The following ATP2B4 variants were observed in gnomAD, a reference collection of about 807,000 sequenced individuals.
ATP2B4 encodes ATPase plasma membrane Ca2+ transporting 4.
ATP2B4 carries 39 observed loss-of-function variants against 110.3 expected under a neutral mutation model. The ratio of observed to expected loss-of-function variants is 0.35; its 90% CI spans 0.27 to 0.46. ATP2B4 has a LOEUF of 0.46. Among genes scored for constraint, ATP2B4 ranks in the 20% least tolerant of loss-of-function variants. ATP2B4 has a pLI of 1.00. For synonymous variants in ATP2B4, 538 were observed against 571.7 expected, an observed-to-expected ratio of 0.94 and a Z score of 0.84; for missense variants, 1,135 against 1,530.9, an observed-to-expected ratio of 0.74 and a Z score of 4.32.
intron 1 of ATP2B4, among the ~76,000 whole-genome samples, chr1:203,679,479 A>G (rs988359935): frequency 1.3e-5 from 2 of 152,010 alleles, no homozygotes; most frequent in African/African-American, 4.8e-5. Context: ...ATTCTTTTCC[A>G]CATGTGTTCT....
At chr1:203,722,767 A>T in intron 18 of ATP2B4, 78 bp downstream of exon 18, 2 of 1,364,112 alleles carry the variant, frequency 1.5e-6, no homozygotes, top group Non-Finnish European at 1.0e-6. Flanking sequence ...TTCCCTACAT[A>T]CCTAGGAAAA....
rs147713701 is a variant in ATP2B4 at position 203,709,417 on chromosome 1, C to T, written c.1674C>T (p.Pro558=). The change falls in exon 11 of 21, where the codon CCC becomes CCT. Residue 558 remains proline, a synonymous_variant. Coordinates refer to ENST00000357681, the MANE Select transcript of ATP2B4 (RefSeq NM_001684.5). ...ATCAGGCTGTGCGTAATGAAGTGCC[C>T]GAGGAGAAGCTCTACAAGGTGTACA... ...QDYQAVRNEV[P]EEKLYKVYTF... The T allele has an allele frequency of 9.4e-5, 151 of 1,614,160 alleles. 1 individual carries two copies. In the African/African-American group the frequency reaches 1.7e-3, roughly 19 times the overall value.
chr1:203,628,237 T>C (rs563588726), intron 1 of ATP2B4, among the ~76,000 whole-genome samples: 1 of 152,226 alleles, frequency 6.6e-6, no homozygotes, highest in South Asian at 2.1e-4. Flanking sequence ...CTTGGCTCGC[T>C]CTTGGTAGAG....
Position 203,742,906 on chromosome 1 carries a change from T to A in ATP2B4, c.*3052T>A, listed in dbSNP as rs181235103. ...TGCCTTCCCTCCCCTAGAAAGATTT[T>A]GTGCAATATATTAAATGGGGACAGA... On this transcript the variant is annotated 3_prime_UTR_variant, in exon 21 of 21. Transcript: ENST00000357681. The A allele has an allele frequency of 3.0e-3, 456 of 152,656 alleles. 2 individuals are homozygous for A. The highest frequency in any genetic ancestry group is 3.0e-3 in the Non-Finnish European group (205 of 68,038). The allele number at this position is 152,656 out of a possible 1,614,324, so 9.5% of individuals were successfully genotyped here.
At chr1:203,649,495 AG>A (rs1571679655) in intron 1 of ATP2B4, among the ~76,000 whole-genome samples, 2 of 152,306 alleles carry the variant, frequency 1.3e-5, no homozygotes, top group East Asian at 3.9e-4. Context: ...GCTTCACTTT[AG>A]GGTGGGCGTA....
In ATP2B4 at chr1:203,684,353, A is replaced by AT. The variant is rs56376451; in HGVS notation, c.193+974dup. On this transcript the variant is annotated intron_variant, in intron 2 of 20. Transcript: ENST00000357681. ...GGTGACATAATAACACCCCATCTCTATTTTTTTTTTTTTTTTTTTGGAGAC... is the reference window on the plus strand; with the variant it reads ...GGTGACATAATAACACCCCATCTCTATTTTTTTTTTTTTTTTTTTTGGAGAC... 2.9e-3 allele frequency among the ~76,000 whole-genome samples: 370 copies of AT among 125,428 alleles called. 4 individuals are homozygous for AT. Among genetic ancestry groups the AT allele is most frequent in the African/African-American group, 4.6e-3 (155 of 33,906 alleles). The allele number at this position is 125,428 out of a possible 152,430, so 82.3% of individuals were successfully genotyped here.
At position 203,686,676 on chromosome 1, in the gene ATP2B4, C is replaced by CTTTCTTTTTT. The variant is rs1571722115; in HGVS notation, c.193+3281_193+3282insCTTTTTTTTT. Among the ~76,000 whole-genome samples, 3 of 52,296 alleles carry CTTTCTTTTTT rather than the reference C, an allele frequency of 5.7e-5. No homozygotes were observed. In the East Asian group the frequency reaches 3.8e-3, roughly 66 times the overall value. The allele number at this position is 52,296 out of a possible 152,430, so 34.3% of individuals were successfully genotyped here. A position where few individuals can be genotyped will look rare whatever the true frequency, so the allele number is the denominator to read the frequency against. On this transcript the variant is annotated intron_variant, in intron 2 of 20. Transcript: ENST00000357681. ...AATATGTGTCCTGGTGTTTTTCTTT[C>CTTTCTTTTTT]TTTTCTTTCTTTTTTTTTTTTTTTT...
intron 1 of ATP2B4, among the ~76,000 whole-genome samples, chr1:203,680,052 C>G (rs1272042717): frequency 1.1e-5 from 1 of 89,056 alleles, no homozygotes; most frequent in Non-Finnish European, 2.4e-5. Context: ...CAGAGTGAGA[C>G]TCTTTCTCAA....
At chr1:203,702,013 G>A (rs369976577) in intron 6 of ATP2B4, 31 bp from the exon 7 acceptor site, 88 of 1,613,458 alleles carry the variant, frequency 5.5e-5, no homozygotes, top group South Asian at 5.5e-5. Flanking sequence ...TTTGGGTTTC[G>A]ACCCCACTTT....
intron 1 of ATP2B4, among the ~76,000 whole-genome samples, chr1:203,669,828 G>GCTCA (rs1664608295): frequency 6.6e-6 from 1 of 152,190 alleles, no homozygotes; most frequent in Non-Finnish European, 1.5e-5. Context: ...AATTGCACAG[G>GCTCA]TTAGGCCAGG....
chr1:203,684,592 A>AGGTGATCT, intron 2 of ATP2B4, among the ~76,000 whole-genome samples: 1 of 151,982 alleles, frequency 6.6e-6, no homozygotes, highest in Admixed American at 6.5e-5. Flanking sequence ...TCCTGACCTC[A>AGGTGATCT]GGTGATCTGC....
At chr1:203,645,885 G>A (rs1009120926) in intron 1 of ATP2B4, among the ~76,000 whole-genome samples, 1 of 151,968 alleles carries the variant, frequency 6.6e-6, no homozygotes, top group Admixed American at 6.6e-5. Context: ...CACCGTGCCC[G>A]GCCGTATATT....
rs144760902 is a variant in ATP2B4 at position 203,703,164 on chromosome 1, C to CGAGAGAGAGAGA, written c.938-465_938-454dup. 2.9e-3 allele frequency among the ~76,000 whole-genome samples: 419 copies of CGAGAGAGAGAGA among 145,238 alleles called. 1 individual carries two copies. The highest frequency in any genetic ancestry group is 9.7e-3 in the African/African-American group (382 of 39,530). Reference sequence around the variant, plus strand: ...GGGTATGTGTTTCTTCCCTGACAATCGAGAGAGAGAGAGAGAGAGAGAGAG... The same window carrying CGAGAGAGAGAGA: ...GGGTATGTGTTTCTTCCCTGACAATCGAGAGAGAGAGAGAGAGAGAGAGAGAGAGAGAGAGAG... On this transcript the variant is annotated intron_variant, in intron 7 of 20. Coordinates refer to ENST00000357681, the MANE Select transcript of ATP2B4 (RefSeq NM_001684.5).
chr1:203,670,345 A>G (rs796185927), intron 1 of ATP2B4, among the ~76,000 whole-genome samples: 18 of 152,166 alleles, frequency 1.2e-4, no homozygotes, highest in African/African-American at 4.3e-4. Flanking sequence ...CAGGTGGCTA[A>G]TTTTTGTATT....
chr1:203,663,512 T>A (rs1047202219), intron 1 of ATP2B4, among the ~76,000 whole-genome samples: 3 of 152,152 alleles, frequency 2.0e-5, no homozygotes, highest in African/African-American at 7.2e-5. Flanking sequence ...GAACCTATAT[T>A]AATCCTCTGA....
Position 203,700,279 on chromosome 1 carries a change from G to C in ATP2B4, c.723G>C (p.Gly241=). ...DLKIDESSLT[G]ESDHVKKSLD... ...AGATTGATGAGAGCTCTCTGACAGGGGAATCTGACCATGTCAAGAAGTCCC... is the reference window on the plus strand; with the variant it reads ...AGATTGATGAGAGCTCTCTGACAGGCGAATCTGACCATGTCAAGAAGTCCC... The change falls in exon 5 of 21, where the codon GGG becomes GGC. Residue 241 remains glycine (G), a synonymous_variant. Transcript: ENST00000357681. 6.2e-7 allele frequency: 1 copy of C among 1,613,958 alleles called. No individual in the cohort carries two copies. The highest frequency in any genetic ancestry group is 8.5e-7 in the Non-Finnish European group (1 of 1,179,914).
chr1:203,659,082 T>A (rs921833479), intron 1 of ATP2B4, among the ~76,000 whole-genome samples: 1 of 151,912 alleles, frequency 6.6e-6, no homozygotes, highest in Non-Finnish European at 1.5e-5. Flanking sequence ...AGGGAAAAAA[T>A]TAAAGATATT....
intron 1 of ATP2B4, among the ~76,000 whole-genome samples, chr1:203,632,398 C>T (rs1558007349): frequency 6.6e-6 from 1 of 151,094 alleles, no homozygotes; most frequent in Admixed American, 6.6e-5. Flanking sequence ...GGCTGGAGTG[C>T]GGTGGTGGGA....
At chr1:203,654,108 C>G (rs907050637) in intron 1 of ATP2B4, among the ~76,000 whole-genome samples, 1 of 150,758 alleles carries the variant, frequency 6.6e-6, no homozygotes, top group African/African-American at 2.4e-5. Context: ...CTCAGCCTCC[C>G]GAGTAGCTGG....
Sources: gnomAD v4.1 joint callset for allele counts (sites outside exome capture counted in the v4.1 genomes callset) on GRCh38, gnomAD v4.1.1 for gene constraint, MANE v1.5 for transcripts, NCBI Gene and HGNC (gene_info 2026-07-23, HGNC 2026-07-21) for gene names.